The following PDE1A variants were observed in gnomAD, a reference collection of about 807,000 sequenced individuals.
PDE1A encodes the protein dual specificity calcium/calmodulin-dependent 3',5'-cyclic nucleotide phosphodiesterase 1A.
PDE1A carries 35 observed loss-of-function variants against 61.7 expected under a neutral mutation model. The ratio of observed to expected loss-of-function variants is 0.57; its 90% CI spans 0.43 to 0.75. The LOEUF (loss-of-function observed/expected upper bound fraction) is 0.75, where lower values mean the gene tolerates loss of function less well. Among genes scored for constraint, PDE1A ranks in the 30% least tolerant of loss-of-function variants. The pLI, the probability that PDE1A is intolerant of heterozygous loss-of-function variation, is 0.00. For synonymous variants in PDE1A, 232 were observed against 213.2 expected (o/e 1.09, Z -0.77); for missense variants, 597 against 630.6 (o/e 0.95, Z 0.57).
the PDE1A span, among the ~76,000 whole-genome samples, chr2:182,587,915 A>G: frequency 6.6e-6 from 1 of 152,354 alleles, no homozygotes; most frequent in East Asian, 1.9e-4. Context: ...GAGAGAAAAC[A>G]ACTTGATGTG....
chr2:182,591,333 A>G, the PDE1A span, among the ~76,000 whole-genome samples: 3 of 152,208 alleles, frequency 2.0e-5, no homozygotes, highest in Non-Finnish European at 4.4e-5. Flanking sequence ...AAAACAGTTA[A>G]GTCCCAGTTA....
chr2:182,557,642 G>A, the PDE1A span, among the ~76,000 whole-genome samples: 1 of 152,036 alleles, frequency 6.6e-6, no homozygotes, highest in African/African-American at 2.4e-5. Context: ...AACCCGGGAG[G>A]CAAAGATTTC....
intron 2 of PDE1A, among the ~76,000 whole-genome samples, chr2:182,448,977 T>C (rs544642821): frequency 5.3e-5 from 8 of 151,776 alleles, no homozygotes; most frequent in African/African-American, 7.2e-5. Flanking sequence ...TTTAAAGATA[T>C]ACGTTTAAAT....
rs563474042 is a variant in PDE1A at position 182,512,123 on chromosome 2, A to T, written c.101+10153T>A. 2.6e-5 allele frequency among the ~76,000 whole-genome samples: 4 copies of T among 152,248 alleles called. No homozygotes were observed. The East Asian group carries it at 7.7e-4, about 29-fold the overall frequency. On this transcript the variant is annotated intron_variant, in intron 2 of 14. Transcript: ENST00000410103. ...ACCACCTCACCACTACCCTACCGCCACTATCGCACATGTGCACATGCAAAC... is the reference window on the plus strand; with the variant it reads ...ACCACCTCACCACTACCCTACCGCCTCTATCGCACATGTGCACATGCAAAC...
At chr2:182,411,636 T>C (rs937495842) in intron 1 of PDE1A, among the ~76,000 whole-genome samples, 2 of 152,174 alleles carry the variant, frequency 1.3e-5, no homozygotes, top group African/African-American at 4.8e-5. Context: ...TCTAAATCAA[T>C]GGTTCTCAAT....
chr2:182,331,444 G>A (rs928870158), intron 1 of PDE1A, among the ~76,000 whole-genome samples: 3 of 152,112 alleles, frequency 2.0e-5, no homozygotes, highest in Admixed American at 6.5e-5. Context: ...TCATAGTGTC[G>A]ATGGTCTTTA....
At chr2:182,155,400 G>A (rs1691023072) in intron 13 of PDE1A, among the ~76,000 whole-genome samples, 1 of 152,008 alleles carries the variant, frequency 6.6e-6, no homozygotes, top group Non-Finnish European at 1.5e-5. Context: ...GGAAATTCTG[G>A]CTCTTTATGC....
At chr2:182,714,386 A>C in the PDE1A span, among the ~76,000 whole-genome samples, 1 of 152,132 alleles carries the variant, frequency 6.6e-6, no homozygotes, top group Non-Finnish European at 1.5e-5. Flanking sequence ...CATGAGTTTT[A>C]TGCAGGGTAT....
chr2:182,627,126 G>T, the PDE1A span, among the ~76,000 whole-genome samples: 27 of 22,390 alleles, frequency 1.2e-3, 6 homozygotes, highest in Non-Finnish European at 1.9e-3. Flanking sequence ...AATATATTAT[G>T]TATATATAAA....
intron 1 of PDE1A, among the ~76,000 whole-genome samples, chr2:182,284,767 T>A (rs1263894450): frequency 6.6e-6 from 1 of 152,172 alleles, no homozygotes; most frequent in Non-Finnish European, 1.5e-5. Flanking sequence ...TATAGGATCA[T>A]GTTGAATATT....
At chr2:182,553,151 C>A in the PDE1A span, among the ~76,000 whole-genome samples, 63 of 152,328 alleles carry the variant, frequency 4.1e-4, no homozygotes, top group Middle Eastern at 6.8e-3. Flanking sequence ...TAACACTCAC[C>A]GCATGGCCCA....
At chr2:182,426,931 C>A (rs1703661108) in exon 1 of PDE1A, 1 of 1,113,174 alleles carries the variant, frequency 9.0e-7, no homozygotes, top group Non-Finnish European at 1.1e-6. Context: ...CGAAACAGAA[C>A]AAAACAAACA....
the PDE1A span, among the ~76,000 whole-genome samples, chr2:182,555,828 A>G: frequency 6.6e-6 from 1 of 151,708 alleles, no homozygotes. Flanking sequence ...TTAGCCAGAT[A>G]TGGTGGCAGG....
At chr2:182,631,663 A>G in the PDE1A span, among the ~76,000 whole-genome samples, 1 of 152,252 alleles carries the variant, frequency 6.6e-6, no homozygotes, top group Admixed American at 6.5e-5. Context: ...AGGATACTAT[A>G]TAGTTTGTAA....
the PDE1A span, among the ~76,000 whole-genome samples, chr2:182,694,802 A>G: frequency 2.2e-5 from 3 of 139,434 alleles, no homozygotes; most frequent in Non-Finnish European, 4.6e-5. Flanking sequence ...GACTGTTGAT[A>G]TTACATAGAG....
At chr2:182,234,148 T>C (rs1461018493) in intron 4 of PDE1A, among the ~76,000 whole-genome samples, 1 of 152,150 alleles carries the variant, frequency 6.6e-6, no homozygotes, top group East Asian at 1.9e-4. Context: ...TCAAAATGAA[T>C]TCAAGATCCA....
At chr2:182,281,094 A>G (rs1047442743) in intron 1 of PDE1A, among the ~76,000 whole-genome samples, 4 of 151,988 alleles carry the variant, frequency 2.6e-5, no homozygotes, top group African/African-American at 9.7e-5. Context: ...TATAACAGAA[A>G]GTCCATTTAG....
At chr2:182,632,561 C>T in the PDE1A span, among the ~76,000 whole-genome samples, 1 of 152,046 alleles carries the variant, frequency 6.6e-6, no homozygotes, top group Non-Finnish European at 1.5e-5. Flanking sequence ...GAAATACTCT[C>T]TTTCTACCTT....
the PDE1A span, among the ~76,000 whole-genome samples, chr2:182,676,710 T>A: frequency 6.6e-6 from 1 of 152,096 alleles, no homozygotes; most frequent in Non-Finnish European, 1.5e-5. Context: ...AAAAAGTTAA[T>A]CCACCATGAG....
Sources: allele counts gnomAD v4.1 joint callset (sites outside exome capture counted in the v4.1 genomes callset), GRCh38; gene constraint gnomAD v4.1.1; transcripts MANE v1.5; gene names NCBI Gene and HGNC (gene_info 2026-07-23, HGNC 2026-07-21).